Variants in NR3C2 observed in about 807,000 individuals in gnomAD.
The protein encoded by NR3C2 is nuclear receptor subfamily 3 group C member 2.
A neutral mutation model predicts 86.4 loss-of-function variants in NR3C2; 15 were observed. The observed-to-expected ratio is 0.17, with a 90% CI of 0.12 to 0.27. The LOEUF is 0.27. Ranked by LOEUF, NR3C2 falls within the 10% of genes least tolerant of loss-of-function variation. The pLI is 1.00. For synonymous variants in NR3C2, 458 were observed against 450.5 expected (o/e 1.02, Z -0.21); for missense variants, 960 against 1,195.6 (o/e 0.80, Z 2.91).
intron 3 of NR3C2, among the ~76,000 whole-genome samples, chr4:148,227,324 G>A (rs1422612293): frequency 6.6e-6 from 1 of 152,142 alleles, no homozygotes; most frequent in Admixed American, 6.5e-5. Context: ...AATTTAACAA[G>A]AGTGACGTTC....
chr4:148,285,264 T>G (rs560225324), intron 2 of NR3C2, among the ~76,000 whole-genome samples: 1 of 152,302 alleles, frequency 6.6e-6, no homozygotes, highest in Admixed American at 6.5e-5. Flanking sequence ...GGTCTTCTAA[T>G]CAGTAACTTC....
chr4:148,246,007 C>A (rs960996538), intron 3 of NR3C2, among the ~76,000 whole-genome samples: 2 of 151,976 alleles, frequency 1.3e-5, no homozygotes, highest in African/African-American at 4.8e-5. Flanking sequence ...TCTTAATTAG[C>A]CATCCAATAA....
At chr4:148,362,841 G>A (rs1215606907) in intron 2 of NR3C2, among the ~76,000 whole-genome samples, 1 of 152,220 alleles carries the variant, frequency 6.6e-6, no homozygotes, top group Non-Finnish European at 1.5e-5. Flanking sequence ...GCTGACTTAA[G>A]CAGGGAATTG....
chr4:148,155,881 C>T (rs1578950315), intron 4 of NR3C2, among the ~76,000 whole-genome samples: 2 of 152,016 alleles, frequency 1.3e-5, no homozygotes, highest in East Asian at 3.9e-4. Context: ...GCTACAGTAA[C>T]CAAAACAGCA....
At chr4:148,299,697 C>T (rs1482892746) in intron 2 of NR3C2, among the ~76,000 whole-genome samples, 1 of 152,266 alleles carries the variant, frequency 6.6e-6, no homozygotes, top group Non-Finnish European at 1.5e-5. Context: ...GAGAAACCTA[C>T]ATGCATAAGA....
chr4:148,267,913 G>T (rs939208453), intron 2 of NR3C2, among the ~76,000 whole-genome samples: 2 of 148,252 alleles, frequency 1.3e-5, no homozygotes, highest in African/African-American at 4.9e-5. Flanking sequence ...CTTTTGTTTT[G>T]AAAGGCTTAT....
At chr4:148,124,004 C>A (rs920965349) in intron 6 of NR3C2, among the ~76,000 whole-genome samples, 1 of 152,098 alleles carries the variant, frequency 6.6e-6, no homozygotes, top group Admixed American at 6.5e-5. Context: ...TTTGGGAGAC[C>A]GAGGCAGGCA....
chr4:148,309,221 T>C (rs1172793373), intron 2 of NR3C2, among the ~76,000 whole-genome samples: 1 of 152,158 alleles, frequency 6.6e-6, no homozygotes, highest in Non-Finnish European at 1.5e-5. Flanking sequence ...CATTTAGAAC[T>C]ACTGTGTGCT....
intron 4 of NR3C2, among the ~76,000 whole-genome samples, chr4:148,191,570 A>C (rs1736196762): frequency 6.6e-6 from 1 of 152,210 alleles, no homozygotes; most frequent in African/African-American, 2.4e-5. Context: ...TATTCCCCCA[A>C]ATATGCTTTC....
intron 2 of NR3C2, among the ~76,000 whole-genome samples, chr4:148,399,630 C>T (rs1256470570): frequency 6.8e-6 from 1 of 147,770 alleles, no homozygotes; most frequent in Admixed American, 6.7e-5. Flanking sequence ...AATTTATACA[C>T]CTTACATAAA....
At chr4:148,296,216 G>A (rs947935402) in intron 2 of NR3C2, among the ~76,000 whole-genome samples, 1 of 151,886 alleles carries the variant, frequency 6.6e-6, no homozygotes, top group Non-Finnish European at 1.5e-5. Flanking sequence ...TTTTAAGAAT[G>A]AAAGTACATT....
chr4:148,285,144 G>GA (rs1741451462), intron 2 of NR3C2, among the ~76,000 whole-genome samples: 2 of 152,164 alleles, frequency 1.3e-5, no homozygotes, highest in Non-Finnish European at 2.9e-5. Context: ...ACACCATACT[G>GA]AAAAAGTGCA....
At chr4:148,232,179 T>C (rs1210706348) in intron 3 of NR3C2, among the ~76,000 whole-genome samples, 1 of 152,242 alleles carries the variant, frequency 6.6e-6, no homozygotes, top group African/African-American at 2.4e-5. Flanking sequence ...TGGTGAATTC[T>C]TTACAGAAAC....
chr4:148,241,434 T>C (rs9993593), intron 3 of NR3C2, among the ~76,000 whole-genome samples: 123,516 of 123,516 alleles, frequency 1, 61,758 homozygotes, highest in Non-Finnish European at 1. Flanking sequence ...ACACTTATTT[T>C]ATCTCCCTTC....
At chr4:148,301,536 A>T (rs1433789139) in intron 2 of NR3C2, among the ~76,000 whole-genome samples, 1 of 152,248 alleles carries the variant, frequency 6.6e-6, no homozygotes, top group African/African-American at 2.4e-5. Flanking sequence ...AAAGGGTATT[A>T]TATGGCTTTT....
intron 2 of NR3C2, among the ~76,000 whole-genome samples, chr4:148,374,336 A>C (rs1746568682): frequency 6.6e-6 from 1 of 152,162 alleles, no homozygotes; most frequent in African/African-American, 2.4e-5. Context: ...ATAATCATAG[A>C]ATTTTGTCTA....
At chr4:148,382,545 A>G (rs1339271575) in intron 2 of NR3C2, among the ~76,000 whole-genome samples, 1 of 152,204 alleles carries the variant, frequency 6.6e-6, no homozygotes, top group African/African-American at 2.4e-5. Flanking sequence ...GCTACAAGTA[A>G]CTCAGTGGGA....
chr4:148,443,213 C>A (rs1209814535), upstream of NR3C2, among the ~76,000 whole-genome samples: 1 of 118,632 alleles, frequency 8.4e-6, no homozygotes, highest in African/African-American at 3.6e-5. Context: ...TCCCTTAGAC[C>A]CCTAACACCA....
At chr4:148,320,935 G>C (rs201870923) in intron 2 of NR3C2, among the ~76,000 whole-genome samples, 2 of 148,270 alleles carry the variant, frequency 1.3e-5, no homozygotes, top group East Asian at 2.0e-4. Context: ...GAATGTGTTT[G>C]CTCTTGCTTT....
Sources: gnomAD v4.1 joint callset for allele counts (sites outside exome capture counted in the v4.1 genomes callset) on GRCh38, gnomAD v4.1.1 for gene constraint, MANE v1.5 for transcripts, NCBI Gene and HGNC (gene_info 2026-07-23, HGNC 2026-07-21) for gene names.